SPTBN5: variants seen among roughly 807,000 people sequenced by gnomAD.
The protein encoded by SPTBN5 is spectrin beta chain, non-erythrocytic 5.
A neutral mutation model predicts 477.6 loss-of-function variants in SPTBN5; 513 were observed. The observed-to-expected ratio is 1.07, with a 90% confidence interval of 1.00 to 1.16. The LOEUF is 1.16. SPTBN5 is among the 50% of genes most tolerant of loss of function. The probability of loss-of-function intolerance (pLI) is 0.00; values close to 1 mark genes in which losing one functional copy is unlikely to be tolerated. For missense variants in SPTBN5, 5,062 were observed against 4,731.8 expected (o/e 1.07, Z -2.05); for synonymous variants, 2,169 against 2,011.7 (o/e 1.08, Z -2.09).
At position 41,863,912 on chromosome 15, in the gene SPTBN5, T is replaced by C; in HGVS notation, c.7031A>G (p.Asn2344Ser). 1 of 1,613,784 alleles carries C rather than the reference T, an allele frequency of 6.2e-7. No individual in the cohort carries two copies. The highest frequency in any genetic ancestry group is 8.5e-7 in the Non-Finnish European group (1 of 1,179,816). The change falls in exon 40 of 68, where the codon AAC (asparagine) becomes AGC (serine). Residue 2344 changes from asparagine to serine, a missense_variant. Transcript: ENST00000320955. ...TTCTCCCCAGCCTGGGACTGGCCTGTTGTTGAGCTGGCTTCGCCGCTGGCA... is the reference window on the plus strand; with the variant it reads ...TTCTCCCCAGCCTGGGACTGGCCTGCTGTTGAGCTGGCTTCGCCGCTGGCA... Reference protein sequence around the residue: ...IICQRRSQLNNRWASFHGNLL... With the variant: ...IICQRRSQLNSRWASFHGNLL...
chr15:41,878,507 T>C lies in SPTBN5; in HGVS notation c.3305A>G (p.Gln1102Arg), dbSNP rs772004712. ...AQRARRQAETQARQSFLQESQ... is the reference protein window; with the variant it reads ...AQRARRQAETRARQSFLQESQ... ...CTCTTGCAGGAAGCTCTGCCGGGCC[T>C]GAGTCTCAGCCTGGCGCCGGGCCCG... is the stretch of plus-strand genomic sequence containing the variant. The change falls in exon 17 of 68, where the codon CAG becomes CGG. Residue 1102 changes from glutamine to arginine, a missense_variant. Physicochemically the swap from Gln to Arg is conservative, Grantham distance 43. Coordinates refer to ENST00000320955, the MANE Select transcript of SPTBN5 (RefSeq NM_016642.4). 7 of 1,613,234 alleles carry C rather than the reference T, an allele frequency of 4.3e-6. No individual in the cohort carries two copies. In the South Asian group the frequency reaches 7.7e-5, roughly 18 times the overall value.
rs1463346356 is a variant in SPTBN5, at chr15:41,867,594, G to A, written c.6256C>T (p.Gln2086Ter). The change falls in exon 35 of 68, where the codon CAG (glutamine) becomes TAG (stop). Residue 2086 changes from glutamine (Q) to a stop codon, truncating the protein, a stop_gained. Transcript: ENST00000320955. LOFTEE classifies it high-confidence loss of function. ...AAGACCTCGTGCTTGCGAATCAACTGCTCTACCTCTTCCACCGAGCTCCCC... is the reference window on the plus strand; with the variant it reads ...AAGACCTCGTGCTTGCGAATCAACTACTCTACCTCTTCCACCGAGCTCCCC... ...ALGSSVEEVE[Q>*]LIRKHEVFLK... is the part of the protein sequence containing the mutation. The A allele has an allele frequency of 6.2e-7, 1 of 1,613,794 alleles. No individual in the cohort carries two copies. The highest frequency in any genetic ancestry group is 1.1e-5 in the South Asian group (1 of 91,078).
At chr15:41,862,946 C>A (rs368603200) in intron 41 of SPTBN5, 43 bp from the exon 42 acceptor site, 161 of 1,528,722 alleles carry the variant, frequency 1.1e-4, no homozygotes, top group Non-Finnish European at 1.3e-4. Flanking sequence ...GCCTTTGCTT[C>A]GGCTCCTCCT....
chr15:41,857,046 C>T lies in SPTBN5; in HGVS notation c.8622-7G>A, dbSNP rs373695543. The T allele has an allele frequency of 2.1e-5, 33 of 1,597,492 alleles. No homozygotes were observed. In the African/African-American group the frequency reaches 2.7e-4, roughly 13 times the overall value. ...CTCCCTCAGGCTCTTGAACCTGCAG[C>T]GGTGGAGGGTGGGACCAAGGGAGGC... On this transcript the variant is annotated splice_polypyrimidine_tract_variant and splice_region_variant and intron_variant, in intron 51 of 67. Transcript: ENST00000320955.
intron 47 of SPTBN5, among the ~76,000 whole-genome samples, chr15:41,859,316 GCC>G (rs2066024827): frequency 1.3e-5 from 2 of 152,010 alleles, no homozygotes; most frequent in African/African-American, 4.8e-5. Flanking sequence ...ACACCTCCAG[GCC>G]CAGCTAAATT....
intron 16 of SPTBN5, 80 bp downstream of exon 16, chr15:41,879,180 C>T: frequency 1.3e-6 from 2 of 1,511,364 alleles, no homozygotes. Flanking sequence ...CAATTTCTGT[C>T]CCTTCCTCAT....
At chr15:41,866,271 C>T (rs756065448) in intron 37 of SPTBN5, 42 bp from the exon 38 acceptor site, 13 of 1,576,188 alleles carry the variant, frequency 8.2e-6, no homozygotes, top group Non-Finnish European at 8.6e-6. Flanking sequence ...GCCTGCTGCA[C>T]TTCCTCCTAA....
chr15:41,855,118 C>G (rs2065894364), intron 55 of SPTBN5, 106 bp downstream of exon 55: 5 of 1,443,128 alleles, frequency 3.5e-6, no homozygotes, highest in African/African-American at 1.4e-5. Context: ...CTAGGACACC[C>G]TCTCCAGGCT....
Position 41,882,622 on chromosome 15 carries a change from TC to T in SPTBN5, c.2008del (p.Asp670IlefsTer27). 6.2e-7 allele frequency: 1 copy of T among 1,606,706 alleles called. No homozygotes were observed. The highest frequency in any genetic ancestry group is 1.7e-5 in the Admixed American group (1 of 59,234). On this transcript the variant is annotated frameshift_variant, in exon 10 of 68. Coordinates refer to ENST00000320955, the MANE Select transcript of SPTBN5 (RefSeq NM_016642.4). LOFTEE classifies it high-confidence loss of function. The stretch of plus-strand genomic sequence containing the variant: ...CAGGGCGCCTGCGATCTGGCTGAGA[TC>T]CCGGCCCAGGGCCGCATTCCCCACC... ...QRVGNAALGRDLSQIAGALQK... is the reference protein window; with the variant it reads ...QRVGNAALGRXLSQIAGALQK...
chr15:41,865,712 C>T, intron 39 of SPTBN5, 96 bp downstream of exon 39: 1 of 1,143,984 alleles, frequency 8.7e-7, no homozygotes, highest in Non-Finnish European at 1.2e-6. Context: ...GCATGGCGCC[C>T]ACGCCCTGCT....
chr15:41,874,549 G>A (rs1159990960), intron 23 of SPTBN5, 71 bp from the exon 24 acceptor site: 3 of 1,296,202 alleles, frequency 2.3e-6, no homozygotes, highest in African/African-American at 3.0e-5. Flanking sequence ...TCTTTCCTTG[G>A]CCAAGCCAGG....
At chr15:41,884,059 C>T (rs2140963580) in intron 7 of SPTBN5, among the ~76,000 whole-genome samples, 1 of 152,346 alleles carries the variant, frequency 6.6e-6, no homozygotes, top group South Asian at 2.1e-4. Flanking sequence ...GATCTCGGCT[C>T]ACTGCCAGCT....
chr15:41,884,132 C>T (rs1272680378), intron 7 of SPTBN5, among the ~76,000 whole-genome samples: 3 of 152,166 alleles, frequency 2.0e-5, no homozygotes, highest in Non-Finnish European at 4.4e-5. Flanking sequence ...ACTACAGGTG[C>T]CCGCCACCAC....
intron 56 of SPTBN5, 41 bp downstream of exon 56, chr15:41,854,741 C>G: frequency 6.8e-7 from 1 of 1,461,952 alleles, no homozygotes; most frequent in Non-Finnish European, 9.1e-7. Context: ...TTTTTGAAGA[C>G]TCTGACACCC....
Position 41,855,539 on chromosome 15 carries a change from T to G in SPTBN5, c.9218+10A>C. On this transcript the variant is annotated intron_variant, in intron 54 of 67. Transcript: ENST00000320955. ...TCTGCTCCTTCGCGGATGGTGTGGCTTCCGCCCACCTTTCTGGGTTCTTCC... is the reference window on the plus strand; with the variant it reads ...TCTGCTCCTTCGCGGATGGTGTGGCGTCCGCCCACCTTTCTGGGTTCTTCC... 1.2e-6 allele frequency: 2 copies of G among 1,607,254 alleles called. No homozygotes were observed. Among genetic ancestry groups the G allele is most frequent in the Non-Finnish European group, 1.7e-6 (2 of 1,175,940 alleles).
chr15:41,858,219 G>A (rs376647253), intron 49 of SPTBN5, among the ~76,000 whole-genome samples: 17 of 152,320 alleles, frequency 1.1e-4, no homozygotes, highest in African/African-American at 3.9e-4. Flanking sequence ...GATCACTTGA[G>A]CCTGGGAGGC....
chr15:41,856,989 G>A lies in SPTBN5; in HGVS notation c.8672C>T (p.Ala2891Val). The change falls in exon 52 of 68, where the codon GCC becomes GTC. Residue 2891 changes from alanine to valine, a missense_variant. Transcript: ENST00000320955. ...GAAGAACTTCAAGAGGAGGCTCCGG[G>A]CCTCCAGGGCCGTCCTGCGCTCCTG... The part of the protein sequence containing the change: ...PLQERRTALE[A>V]RSLLLKFFRD... 1.2e-6 allele frequency: 2 copies of A among 1,603,440 alleles called. No homozygotes were observed. The highest frequency in any genetic ancestry group is 1.7e-6 in the Non-Finnish European group (2 of 1,175,830).
At chr15:41,854,679 G>T in intron 56 of SPTBN5, 103 bp downstream of exon 56, 3 of 1,003,046 alleles carry the variant, frequency 3.0e-6, no homozygotes, top group Non-Finnish European at 4.3e-6. Flanking sequence ...AGGCCAGCAG[G>T]GTGTGTGTCT....
Position 41,869,197 on chromosome 15 carries a change from A to G in SPTBN5, c.5854-596T>C, listed in dbSNP as rs151124079. On this transcript the variant is annotated intron_variant, in intron 32 of 67. Coordinates refer to ENST00000320955, the MANE Select transcript of SPTBN5 (RefSeq NM_016642.4). The stretch of plus-strand genomic sequence containing the variant: ...AAAGAGTCTTGTAAACTCTAAGTGC[A>G]TGACAAACCCAGGGTTAAGTGCCTT... Among the ~76,000 whole-genome samples, 33 of 152,370 alleles carry G rather than the reference A, an allele frequency of 2.2e-4. No homozygotes were observed. The East Asian group carries it at 6.0e-3, about 28-fold the overall frequency.
Sources: gnomAD v4.1 joint callset for allele counts (sites outside exome capture counted in the v4.1 genomes callset) on GRCh38, gnomAD v4.1.1 for gene constraint, MANE v1.5 for transcripts, NCBI Gene and HGNC (gene_info 2026-07-23, HGNC 2026-07-21) for gene names.